The following PCNX2 variants were observed in gnomAD, a reference collection of about 807,000 sequenced individuals.
PCNX2 encodes the protein pecanex-like protein 2.
PCNX2 carries 168 observed loss-of-function variants against 223.8 expected under a neutral mutation model. That is an observed-to-expected ratio of 0.75 (90% CI 0.66 to 0.85). The LOEUF is 0.85. Among genes scored for constraint, PCNX2 ranks in the 40% least tolerant of loss-of-function variants. PCNX2 has a pLI of 0.00. For missense variants in PCNX2, 2,507 were observed against 2,675.5 expected (o/e 0.94, Z 1.39); for synonymous variants, 1,006 against 1,052.6 (o/e 0.96, Z 0.86).
chr1:233,186,092 G>C (rs1480914029), intron 15 of PCNX2, among the ~76,000 whole-genome samples: 1 of 152,100 alleles, frequency 6.6e-6, no homozygotes, highest in Non-Finnish European at 1.5e-5. Context: ...CTCTTATGTT[G>C]GAATTTATGG....
chr1:233,066,078 A>T (rs1430209746), intron 23 of PCNX2, among the ~76,000 whole-genome samples: 2 of 152,110 alleles, frequency 1.3e-5, no homozygotes, highest in Non-Finnish European at 2.9e-5. Context: ...GGGACTACCC[A>T]CCTTTGGGTA....
intron 1 of PCNX2, among the ~76,000 whole-genome samples, chr1:233,287,474 T>C (rs1415638136): frequency 1.3e-5 from 2 of 152,180 alleles, no homozygotes; most frequent in Non-Finnish European, 1.5e-5. Flanking sequence ...CATGATAGTG[T>C]ATAAGTCTCA....
intron 17 of PCNX2, among the ~76,000 whole-genome samples, chr1:233,170,471 T>C (rs1679084985): frequency 6.6e-6 from 1 of 152,210 alleles, no homozygotes; most frequent in Non-Finnish European, 1.5e-5. Flanking sequence ...ACAAGTCTTC[T>C]GCCTATTTTC....
chr1:233,321,447 G>A, the PCNX2 span, among the ~76,000 whole-genome samples: 3 of 152,118 alleles, frequency 2.0e-5, no homozygotes, highest in South Asian at 2.1e-4. Context: ...ACAGGCGGGA[G>A]CCACCATGCC....
In PCNX2 at chr1:232,998,340, C is replaced by T. The variant is rs56231757; in HGVS notation, c.5702G>A (p.Ser1901Asn). 0.22 allele frequency: 354,343 copies of T among 1,612,460 alleles called. 40,288 individuals are homozygous for T. Among genetic ancestry groups the T allele is most frequent in the African/African-American group, 0.26 (19,135 of 74,928 alleles). ...APTTGGNNAP[S>N]GGSQESSAEQ... Reference sequence around the variant, plus strand: ...TGCGCTGCTCTCCTGGCTGCCACCACTCGGGGCATTGTTGCCACCTGTCGT... The same window carrying T: ...TGCGCTGCTCTCCTGGCTGCCACCATTCGGGGCATTGTTGCCACCTGTCGT... Residue 1901 changes from serine to asparagine, a missense_variant, in exon 32 of 34, where the codon AGT (serine) becomes AAT (asparagine). Ser to Asn is a conservative substitution (Grantham distance 46). Coordinates refer to ENST00000258229, the MANE Select transcript of PCNX2 (RefSeq NM_014801.4).
At chr1:233,280,233 C>T (rs1195582134) in intron 1 of PCNX2, among the ~76,000 whole-genome samples, 1 of 151,650 alleles carries the variant, frequency 6.6e-6, no homozygotes, top group African/African-American at 2.4e-5. Flanking sequence ...CAGTGACTCA[C>T]TTTGAACGTA....
At chr1:233,129,480 A>G (rs1301039663) in intron 21 of PCNX2, among the ~76,000 whole-genome samples, 1 of 152,170 alleles carries the variant, frequency 6.6e-6, no homozygotes, top group Non-Finnish European at 1.5e-5. Context: ...TCATCAACCA[A>G]TCGCCCAAGG....
At chr1:233,191,226 A>G (rs1680402813) in intron 15 of PCNX2, among the ~76,000 whole-genome samples, 1 of 152,196 alleles carries the variant, frequency 6.6e-6, no homozygotes, top group African/African-American at 2.4e-5. Flanking sequence ...CCTGAGGAGA[A>G]AGGAATGTCT....
intron 25 of PCNX2, among the ~76,000 whole-genome samples, chr1:233,038,933 C>A (rs747406226): frequency 2.6e-5 from 4 of 152,136 alleles, no homozygotes; most frequent in Non-Finnish European, 4.4e-5. Context: ...ATTTTCCAGA[C>A]CTGGTGGTAA....
At chr1:233,220,413 G>A (rs543109163) in intron 10 of PCNX2, among the ~76,000 whole-genome samples, 5 of 152,328 alleles carry the variant, frequency 3.3e-5, no homozygotes, top group Admixed American at 3.3e-4. Flanking sequence ...CAGTGAATGA[G>A]CGTTCCCGTT....
chr1:233,296,754 G>T (rs1662148536), upstream of PCNX2, among the ~76,000 whole-genome samples: 1 of 152,154 alleles, frequency 6.6e-6, no homozygotes, highest in Admixed American at 6.5e-5. Flanking sequence ...TCTGACTTGT[G>T]TGCCTGCCTG....
chr1:233,159,348 T>G (rs1487552125), intron 19 of PCNX2, among the ~76,000 whole-genome samples: 4 of 152,190 alleles, frequency 2.6e-5, no homozygotes, highest in Non-Finnish European at 5.9e-5. Context: ...TTCCCCCTTT[T>G]CCTTTTGTCA....
chr1:233,097,341 TA>T (rs368356296), intron 21 of PCNX2, among the ~76,000 whole-genome samples: 22,165 of 143,014 alleles, frequency 0.15, 1,669 homozygotes, highest in Middle Eastern at 0.19. Flanking sequence ...AAGGGAGGAT[TA>T]AAAAAAAAAA....
intron 23 of PCNX2, among the ~76,000 whole-genome samples, chr1:233,075,538 GC>G (rs1257357011): frequency 6.6e-6 from 1 of 152,096 alleles, no homozygotes; most frequent in African/African-American, 2.4e-5. Context: ...CTAATTTGAA[GC>G]TTGGATAGAA....
intron 32 of PCNX2, among the ~76,000 whole-genome samples, chr1:232,987,199 G>C (rs1278005551): frequency 6.6e-6 from 1 of 152,190 alleles, no homozygotes; most frequent in African/African-American, 2.4e-5. Context: ...CAGGGGCCCT[G>C]CCACCCCAGC....
At chr1:233,263,617 G>A (rs985776018) in intron 1 of PCNX2, among the ~76,000 whole-genome samples, 10 of 151,904 alleles carry the variant, frequency 6.6e-5, no homozygotes, top group Admixed American at 2.0e-4. Flanking sequence ...CACCATGCCC[G>A]GCTAATTTTT....
intron 10 of PCNX2, among the ~76,000 whole-genome samples, chr1:233,220,534 T>G (rs565173751): frequency 1.3e-5 from 2 of 152,188 alleles, no homozygotes; most frequent in African/African-American, 4.8e-5. Flanking sequence ...CCCTAAGGAC[T>G]ATTGATGTTG....
At chr1:233,194,202 A>ATT (rs150184237) in intron 15 of PCNX2, among the ~76,000 whole-genome samples, 2 of 152,170 alleles carry the variant, frequency 1.3e-5, no homozygotes, top group African/African-American at 4.8e-5. Context: ...ATAACGGCAG[A>ATT]TTTTTTTATC....
intron 25 of PCNX2, among the ~76,000 whole-genome samples, chr1:233,028,119 CTT>C (rs1426975090): frequency 6.6e-6 from 1 of 152,158 alleles, no homozygotes; most frequent in Non-Finnish European, 1.5e-5. Context: ...ATTTCAGTCT[CTT>C]GAAATTTATT....
Sources: gnomAD v4.1 joint callset for allele counts (sites outside exome capture counted in the v4.1 genomes callset) on GRCh38, gnomAD v4.1.1 for gene constraint, MANE v1.5 for transcripts, NCBI Gene and HGNC (gene_info 2026-07-23, HGNC 2026-07-21) for gene names.